The following BBS12 variants were observed in gnomAD, a reference collection of about 807,000 sequenced individuals.
BBS12 encodes chaperonin-containing T-complex member BBS12.
In BBS12, 5 loss-of-function variants were observed where a neutral mutation model predicts 5.6. The ratio of observed to expected loss-of-function variants is 0.89; its 90% CI spans 0.46 to 1.86. The LOEUF (loss-of-function observed/expected upper bound fraction) is 1.86, where lower values mean the gene tolerates loss of function less well. BBS12 is among the 40% of genes most tolerant of loss of function. BBS12 has a pLI of 0.01. For synonymous variants in BBS12, 308 were observed against 306.8 expected, an observed-to-expected ratio of 1.00 and a Z score of -0.04; for missense variants, 748 against 830.4, an observed-to-expected ratio of 0.90 and a Z score of 1.22.
chr4:122,711,790 G>T, the BBS12 span, among the ~76,000 whole-genome samples: 1 of 152,190 alleles, frequency 6.6e-6, no homozygotes, highest in South Asian at 2.1e-4. Context: ...AATGACAAAG[G>T]GTGGACTTGT....
In BBS12 at chr4:122,743,822, A is replaced by C. The variant is rs1336021784; in HGVS notation, c.1930A>C (p.Asn644His). The part of the protein sequence containing the change: ...SYILNEYSKL[N>H]SRIFNSDISN... ...CATCTTGAATGAATATAGTAAACTA[A>C]ATAGTAGAATTTTTAATTCAGACAT... Residue 644 changes from asparagine (N) to histidine (H), a missense_variant, in exon 2 of 2, where the codon AAT (asparagine) becomes CAT (histidine). Asn to His is a moderately conservative substitution (Grantham distance 68). Transcript: ENST00000314218. 1 of 1,607,602 alleles carries C rather than the reference A, an allele frequency of 6.2e-7. No individual in the cohort carries two copies. The highest frequency in any genetic ancestry group is 8.5e-7 in the Non-Finnish European group (1 of 1,177,656).
chr4:122,704,997 G>A, the BBS12 span, among the ~76,000 whole-genome samples: 2 of 152,164 alleles, frequency 1.3e-5, no homozygotes, highest in Non-Finnish European at 2.9e-5. Flanking sequence ...TGAAGGAAGT[G>A]GAAATGACAA....
chr4:122,743,308 C>T lies in BBS12; in HGVS notation c.1416C>T (p.Thr472=), dbSNP rs1185306509. ...GTGTGGGCGACGGGGTCTGCGTGACCTTCTGGAGAAGCAGCCCTTTGGATG... is the reference window on the plus strand; with the variant it reads ...GTGTGGGCGACGGGGTCTGCGTGACTTTCTGGAGAAGCAGCCCTTTGGATG... The part of the protein sequence containing the change: ...EDCVGDGVCV[T]FWRSSPLDVV... Residue 472 remains threonine, a synonymous_variant, in exon 2 of 2, where the codon ACC becomes ACT. Transcript: ENST00000314218. 1 of 1,614,166 alleles carries T rather than the reference C, an allele frequency of 6.2e-7. No homozygotes were observed. The highest frequency in any genetic ancestry group is 1.7e-5 in the Admixed American group (1 of 60,014).
chr4:122,719,370 G>T, the BBS12 span, among the ~76,000 whole-genome samples: 1 of 152,264 alleles, frequency 6.6e-6, no homozygotes, highest in South Asian at 2.1e-4. Context: ...GGCCACCTGA[G>T]CCAGCAGCAG....
chr4:122,718,921 G>A, the BBS12 span, among the ~76,000 whole-genome samples: 517 of 152,194 alleles, frequency 3.4e-3, 2 homozygotes, highest in African/African-American at 0.012. Flanking sequence ...CCGGGTTCAC[G>A]CCATTCTCCT....
At chr4:122,733,140 C>T (rs1157050710) in intron 1 of BBS12, among the ~76,000 whole-genome samples, 2 of 152,104 alleles carry the variant, frequency 1.3e-5, no homozygotes, top group African/African-American at 2.4e-5. Flanking sequence ...TTACCTCCTC[C>T]CTGTTTTGGG....
At chr4:122,718,861 C>G in the BBS12 span, among the ~76,000 whole-genome samples, 21 of 152,292 alleles carry the variant, frequency 1.4e-4, no homozygotes, top group Admixed American at 1.1e-3. Flanking sequence ...CTCTGTCACC[C>G]AGGCTGGAGT....
At chr4:122,716,672 T>C in the BBS12 span, among the ~76,000 whole-genome samples, 2 of 82,498 alleles carry the variant, frequency 2.4e-5, no homozygotes, top group Non-Finnish European at 2.5e-5. Context: ...TACACATATG[T>C]GTATATATAC....
chr4:122,730,830 T>C (rs1409754353), upstream of BBS12: 1 of 152,140 alleles, frequency 6.6e-6, no homozygotes, highest in African/African-American at 2.4e-5. Flanking sequence ...CTGAAGTTCA[T>C]CATGTTAAAT....
At chr4:122,719,391 G>T in the BBS12 span, among the ~76,000 whole-genome samples, 1 of 152,108 alleles carries the variant, frequency 6.6e-6, no homozygotes. Context: ...CAACCCACTC[G>T]GGTCGGCTTC....
At chr4:122,715,320 G>GAAA in the BBS12 span, among the ~76,000 whole-genome samples, 1 of 108,090 alleles carries the variant, frequency 9.3e-6, no homozygotes, top group African/African-American at 3.4e-5. Context: ...ATCTCTATTT[G>GAAA]AAAAAAAAAA....
At chr4:122,723,552 G>T in the BBS12 span, among the ~76,000 whole-genome samples, 31 of 152,266 alleles carry the variant, frequency 2.0e-4, 1 homozygote, top group South Asian at 3.7e-3. Flanking sequence ...GGGTGTTGTG[G>T]CCTCTTTGAT....
chr4:122,726,665 C>T, the BBS12 span, among the ~76,000 whole-genome samples: 1 of 52,606 alleles, frequency 1.9e-5, no homozygotes, highest in African/African-American at 1.6e-4. Context: ...TATAGCAGCA[C>T]AATTCCAATT....
chr4:122,743,045 A>C lies in BBS12; in HGVS notation c.1153A>C (p.Met385Leu). Residue 385 changes from methionine to leucine, a missense_variant, in exon 2 of 2, where the codon ATG becomes CTG. By Grantham distance (15) the Met-to-Leu change is conservative (BLOSUM62 2). Transcript: ENST00000314218. ...AAATATTAAAACAGTATTAGATAGC[A>C]TGCGGCTTCAAGAAGACAGCTCAGA... ...SANIKTVLDSMRLQEDSSEEL... is the reference protein window; with the variant it reads ...SANIKTVLDSLRLQEDSSEEL... The C allele has an allele frequency of 6.2e-7, 1 of 1,614,278 alleles. No individual in the cohort carries two copies. Among genetic ancestry groups the C allele is most frequent in the Non-Finnish European group, 8.5e-7 (1 of 1,180,056 alleles).
the BBS12 span, among the ~76,000 whole-genome samples, chr4:122,701,142 T>G: frequency 6.6e-6 from 1 of 152,248 alleles, no homozygotes; most frequent in African/African-American, 2.4e-5. Context: ...AAGGATATTC[T>G]TGATGGTAAA....
chr4:122,716,601 AC>A, the BBS12 span, among the ~76,000 whole-genome samples: 268 of 111,940 alleles, frequency 2.4e-3, 2 homozygotes, highest in African/African-American at 0.011. Context: ...ATGTATGTAT[AC>A]ACACATGTGT....
the BBS12 span, among the ~76,000 whole-genome samples, chr4:122,716,629 A>ACACGTG: frequency 2.1e-5 from 2 of 97,214 alleles, no homozygotes; most frequent in African/African-American, 8.7e-5. Flanking sequence ...GCACATACAC[A>ACACGTG]TATGTATATA....
the BBS12 span, among the ~76,000 whole-genome samples, chr4:122,703,262 T>C: frequency 6.6e-6 from 1 of 152,240 alleles, no homozygotes; most frequent in African/African-American, 2.4e-5. Flanking sequence ...CAGGTCTGTG[T>C]CCTCCCACAC....
At chr4:122,708,000 C>T in the BBS12 span, among the ~76,000 whole-genome samples, 1 of 131,206 alleles carries the variant, frequency 7.6e-6, no homozygotes, top group South Asian at 2.4e-4. Context: ...CTCTCTTTCT[C>T]TCTTTTTTTT....
Sources: allele counts gnomAD v4.1 joint callset (sites outside exome capture counted in the v4.1 genomes callset), GRCh38; gene constraint gnomAD v4.1.1; transcripts MANE v1.5; gene names NCBI Gene and HGNC (gene_info 2026-07-23, HGNC 2026-07-21).